The following TLN2 variants were observed in gnomAD, a reference collection of about 807,000 sequenced individuals.
The protein encoded by TLN2 is talin 2, also known as talin-2.
TLN2 carries 118 observed loss-of-function variants against 294.7 expected under a neutral mutation model. The observed-to-expected ratio is 0.40, with a 90% CI of 0.34 to 0.47. TLN2 has a LOEUF of 0.47. Among genes scored for constraint, TLN2 ranks in the 20% least tolerant of loss-of-function variants. TLN2 has a pLI of 0.84. For synonymous variants in TLN2, 1,431 were observed against 1,304.5 expected (o/e 1.10, Z -2.09); for missense variants, 3,083 against 3,282.2 (o/e 0.94, Z 1.48).
intron 53 of TLN2, 84 bp from the exon 54 acceptor site, chr15:62,820,402 G>A (rs1272769414): frequency 5.3e-6 from 8 of 1,517,988 alleles, no homozygotes; most frequent in Non-Finnish European, 7.1e-6. Context: ...CTTCATGCAT[G>A]CAAATCCAGA....
intron 12 of TLN2, among the ~76,000 whole-genome samples, chr15:62,687,550 T>A (rs2057386633): frequency 1.3e-5 from 2 of 152,272 alleles, no homozygotes; most frequent in African/African-American, 2.4e-5. Context: ...TAGCCACATT[T>A]ACATGTGAAA....
At chr15:62,414,164 C>CTATATATA (rs780803268) in intron 1 of TLN2, among the ~76,000 whole-genome samples, 5,792 of 90,450 alleles carry the variant, frequency 0.064, 568 homozygotes, top group Non-Finnish European at 0.092. Context: ...AAAAAAAAAA[C>CTATATATA]TATATATATA....
intron 2 of TLN2, among the ~76,000 whole-genome samples, chr15:62,608,664 A>G (rs1231234736): frequency 6.6e-6 from 1 of 152,122 alleles, no homozygotes; most frequent in Non-Finnish European, 1.5e-5. Context: ...CACGGGGACA[A>G]GGGAGAGGTG....
intron 45 of TLN2, among the ~76,000 whole-genome samples, chr15:62,789,168 A>C (rs375409943): frequency 1.2e-4 from 18 of 152,242 alleles, no homozygotes; most frequent in African/African-American, 4.3e-4. Context: ...TGCTGTCCAA[A>C]TAGGATTGTG....
At chr15:62,638,100 C>T (rs1339427781) in intron 3 of TLN2, 1 of 162,568 alleles carries the variant, frequency 6.2e-6, no homozygotes, top group Non-Finnish European at 1.3e-5. Flanking sequence ...TAAAGATCAG[C>T]TCTAGGCAAA....
intron 54 of TLN2, chr15:62,829,216 A>G (rs1206573976): frequency 2.5e-4 from 38 of 150,664 alleles, no homozygotes; most frequent in Admixed American, 2.5e-3. Flanking sequence ...CAGGCATTGT[A>G]TTAGCTTGTT....
At chr15:62,830,114 A>G (rs1486400662) in intron 54 of TLN2, 2 of 152,222 alleles carry the variant, frequency 1.3e-5, no homozygotes, top group African/African-American at 4.8e-5. Flanking sequence ...TCTTTAAAAG[A>G]TTATTTTAGC....
intron 1 of TLN2, among the ~76,000 whole-genome samples, chr15:62,576,424 C>T (rs889301364): frequency 2.0e-5 from 3 of 152,046 alleles, no homozygotes; most frequent in African/African-American, 7.2e-5. Context: ...TCAGGGGTTG[C>T]ACCCTCCCCA....
chr15:62,716,607 G>A (rs2059788509), intron 23 of TLN2, 148 bp downstream of exon 23: 2 of 1,119,956 alleles, frequency 1.8e-6, no homozygotes, highest in East Asian at 3.0e-5. Flanking sequence ...TACTATAAAA[G>A]CATTGACTCA....
chr15:62,755,773 A>C, intron 37 of TLN2, 80 bp downstream of exon 37: 13 of 1,532,678 alleles, frequency 8.5e-6, no homozygotes, highest in Non-Finnish European at 1.2e-5. Context: ...TTTAAGCTCC[A>C]CTCCTCTCCT....
At chr15:62,735,768 A>AAT (rs1418065934) in intron 28 of TLN2, among the ~76,000 whole-genome samples, 3 of 152,118 alleles carry the variant, frequency 2.0e-5, no homozygotes, top group South Asian at 4.1e-4. Flanking sequence ...TGGCCACTTG[A>AAT]ATATATATAT....
intron 9 of TLN2, among the ~76,000 whole-genome samples, chr15:62,666,456 A>C (rs2054655819): frequency 6.6e-6 from 1 of 152,138 alleles, no homozygotes; most frequent in Non-Finnish European, 1.5e-5. Flanking sequence ...CACCCATACC[A>C]GACAGCTGAA....
intron 9 of TLN2, among the ~76,000 whole-genome samples, chr15:62,666,334 T>A (rs2054637090): frequency 6.6e-6 from 1 of 152,172 alleles, no homozygotes; most frequent in South Asian, 2.1e-4. Flanking sequence ...TTTTCCCTCA[T>A]GACTGGGATT....
chr15:62,599,158 A>AC (rs1178254093), intron 2 of TLN2, among the ~76,000 whole-genome samples: 8 of 152,126 alleles, frequency 5.3e-5, no homozygotes, highest in African/African-American at 1.9e-4. Flanking sequence ...ATGCCCCCAA[A>AC]CAGGTATTGA....
intron 1 of TLN2, among the ~76,000 whole-genome samples, chr15:62,585,894 T>C (rs572780557): frequency 6.6e-6 from 1 of 152,344 alleles, no homozygotes; most frequent in South Asian, 2.1e-4. Context: ...GTTTCCATCA[T>C]GGCACCCCCT....
chr15:62,462,580 G>A (rs2036865343), intron 1 of TLN2, among the ~76,000 whole-genome samples: 1 of 152,224 alleles, frequency 6.6e-6, no homozygotes, highest in African/African-American at 2.4e-5. Flanking sequence ...GCATCTTGGG[G>A]ATGGAGGGAA....
At position 62,532,106 on chromosome 15, in the gene TLN2, A is replaced by G. The variant is rs1207355911; in HGVS notation, c.-237-57581A>G. On this transcript the variant is annotated intron_variant, in intron 1 of 58. Transcript: ENST00000636159. Reference sequence around the variant, plus strand: ...ACTTTGTCACCCAGGCTGGGGTGCAAAGGGGCAAACAAGGTTCACTATAGC... The same window carrying G: ...ACTTTGTCACCCAGGCTGGGGTGCAGAGGGGCAAACAAGGTTCACTATAGC... Among the ~76,000 whole-genome samples the G allele has an allele frequency of 2.0e-5, 3 of 150,672 alleles. No homozygotes were observed. The East Asian group carries it at 5.9e-4, about 29-fold the overall frequency.
At chr15:62,829,549 G>A (rs1251508357) in intron 54 of TLN2, 2 of 152,186 alleles carry the variant, frequency 1.3e-5, no homozygotes, top group East Asian at 3.8e-4. Flanking sequence ...TGAGATTTGG[G>A]TGGGGACACA....
intron 45 of TLN2, among the ~76,000 whole-genome samples, chr15:62,788,180 G>A (rs1595994843): frequency 6.6e-6 from 1 of 151,748 alleles, no homozygotes; most frequent in East Asian, 2.0e-4. Flanking sequence ...GCATGGTGGG[G>A]GGTGCCTGTA....
Sources: gnomAD v4.1 joint callset for allele counts (sites outside exome capture counted in the v4.1 genomes callset) on GRCh38, gnomAD v4.1.1 for gene constraint, MANE v1.5 for transcripts, NCBI Gene and HGNC (gene_info 2026-07-23, HGNC 2026-07-21) for gene names.